Variants in FHIP2A observed in about 807,000 individuals in gnomAD.
FHIP2A encodes the protein family with sequence similarity 160 member B1.
In FHIP2A, 46 loss-of-function variants were observed where a neutral mutation model predicts 93.5. That is an observed-to-expected ratio of 0.49 (90% CI 0.39 to 0.63). The LOEUF (loss-of-function observed/expected upper bound fraction) is 0.63. Among genes scored for constraint, FHIP2A ranks in the 20% least tolerant of loss-of-function variants. The pLI, the probability that FHIP2A is intolerant of heterozygous loss-of-function variation, is 0.00. For synonymous variants in FHIP2A, 332 were observed against 326.5 expected, an observed-to-expected ratio of 1.02 and a Z score of -0.18; for missense variants, 769 against 909.7, an observed-to-expected ratio of 0.85 and a Z score of 1.99.
intron 6 of FHIP2A, 80 bp from the exon 7 acceptor site, chr10:114,843,661 A>T (rs1320491948): frequency 9.1e-7 from 1 of 1,100,002 alleles, no homozygotes; most frequent in African/African-American, 1.6e-5. Context: ...GAAACATTAA[A>T]TCCTTTTATG....
intron 13 of FHIP2A, among the ~76,000 whole-genome samples, chr10:114,853,009 T>A (rs2083745729): frequency 6.6e-6 from 1 of 152,204 alleles, no homozygotes. Flanking sequence ...ACCCTCTTCC[T>A]CCTCTCCCTT....
At position 114,821,972 on chromosome 10, in the gene FHIP2A, C is replaced by A; in HGVS notation, c.-107C>A. The A allele has an allele frequency of 6.7e-6, 4 of 598,838 alleles. No individual in the cohort carries two copies. Among genetic ancestry groups the A allele is most frequent in the Non-Finnish European group, 9.7e-6 (4 of 413,788 alleles). The allele number at this position is 598,838 out of a possible 1,614,324, so 37.1% of individuals were successfully genotyped here. The stretch of plus-strand genomic sequence containing the variant: ...TCAGCTCGTCCTCCCCGCCCCGCAC[C>A]GGCCTTCACTCTGGAGCGGCCCCGG... On this transcript the variant is annotated 5_prime_UTR_variant, in exon 1 of 17. Transcript: ENST00000369248.
chr10:114,852,463 A>G (rs953242806), intron 13 of FHIP2A, among the ~76,000 whole-genome samples: 7 of 152,254 alleles, frequency 4.6e-5, no homozygotes, highest in Non-Finnish European at 8.8e-5. Context: ...CTGGTCATTC[A>G]AGGTTTGTAT....
At chr10:114,896,966 A>G (rs1313198216) in intron 16 of FHIP2A, among the ~76,000 whole-genome samples, 3 of 152,254 alleles carry the variant, frequency 2.0e-5, no homozygotes, top group Admixed American at 2.0e-4. Context: ...AATTAGGAAT[A>G]TAGTAACTTC....
chr10:114,871,897 T>G (rs893078229), intron 16 of FHIP2A, among the ~76,000 whole-genome samples: 1 of 152,192 alleles, frequency 6.6e-6, no homozygotes, highest in Non-Finnish European at 1.5e-5. Flanking sequence ...CTCAGCTCAC[T>G]GAATGTAGGC....
chr10:114,833,537 A>G (rs2083620230), intron 3 of FHIP2A, 135 bp downstream of exon 3: 1 of 850,940 alleles, frequency 1.2e-6, no homozygotes, highest in South Asian at 1.6e-5. Context: ...ATTGTAGAAA[A>G]AAGAAAATTG....
intron 13 of FHIP2A, 51 bp downstream of exon 13, chr10:114,848,788 C>T: frequency 8.5e-7 from 1 of 1,170,716 alleles, no homozygotes; most frequent in Non-Finnish European, 1.3e-6. Context: ...TAGACACATG[C>T]ACACCCCTTG....
At chr10:114,857,029 T>C (rs1390223451) in intron 14 of FHIP2A, among the ~76,000 whole-genome samples, 1 of 152,094 alleles carries the variant, frequency 6.6e-6, no homozygotes, top group Non-Finnish European at 1.5e-5. Flanking sequence ...AGTTCAAGGC[T>C]GTAGGGCGCT....
rs530829227 is a variant in FHIP2A, at chr10:114,878,744, C to T, written c.2192+17410C>T. Among the ~76,000 whole-genome samples the T allele has an allele frequency of 1.8e-4, 26 of 148,128 alleles. No individual in the cohort carries two copies. In the South Asian group the frequency reaches 5.2e-3, roughly 29 times the overall value. ...GCAGTGAGCTGAGATTGTGCCACTGCACTCCAGCCTGGGTGACAGAGACTT... is the reference window on the plus strand; with the variant it reads ...GCAGTGAGCTGAGATTGTGCCACTGTACTCCAGCCTGGGTGACAGAGACTT... On this transcript the variant is annotated intron_variant, in intron 16 of 16. Coordinates refer to the FHIP2A transcript ENST00000369250.
chr10:114,824,406 C>G (rs913728482), intron 1 of FHIP2A, among the ~76,000 whole-genome samples: 15 of 152,160 alleles, frequency 9.9e-5, no homozygotes, highest in African/African-American at 3.4e-4. Flanking sequence ...GCCTACTTTG[C>G]TGAGGTTAGT....
intron 16 of FHIP2A, among the ~76,000 whole-genome samples, chr10:114,896,520 C>T (rs1048576099): frequency 6.6e-6 from 1 of 152,208 alleles, no homozygotes; most frequent in Admixed American, 6.5e-5. Flanking sequence ...TATTCAAAGT[C>T]ATCCCTCTGC....
At chr10:114,896,003 A>G (rs1438830508) in intron 16 of FHIP2A, among the ~76,000 whole-genome samples, 1 of 152,150 alleles carries the variant, frequency 6.6e-6, no homozygotes, top group African/African-American at 2.4e-5. Context: ...TTCCTGAGAG[A>G]TGCAACTGCC....
At position 114,846,474 on chromosome 10, in the gene FHIP2A, A is replaced by G. The variant is rs558616543; in HGVS notation, c.1399-85A>G. The G allele has an allele frequency of 1.3e-5, 19 of 1,438,086 alleles. 1 individual carries two copies. The South Asian group carries it at 1.9e-4, about 14-fold the overall frequency. The allele number at this position is 1,438,086 out of a possible 1,614,324, so 89.1% of individuals were successfully genotyped here. On this transcript the variant is annotated intron_variant, in intron 10 of 16. Coordinates refer to ENST00000369248, the MANE Select transcript of FHIP2A (RefSeq NM_020940.4). ...ACAACCTCTTTTATTGGCTTTAGAA[A>G]TTGAAAGCATGACTCACAAGATGGT... is the stretch of plus-strand genomic sequence containing the variant.
intron 1 of FHIP2A, 77 bp from the exon 2 acceptor site, chr10:114,830,775 A>G: frequency 1.1e-6 from 1 of 901,944 alleles, no homozygotes; most frequent in South Asian, 1.8e-5. Flanking sequence ...GCATTGTAAT[A>G]GATAAATACA....
At chr10:114,864,992 AT>A (rs142952175), downstream of FHIP2A, among the ~76,000 whole-genome samples, 52 of 148,246 alleles carry the variant, frequency 3.5e-4, no homozygotes, top group Admixed American at 4.1e-4. Flanking sequence ...CTCAAAAACA[AT>A]TTTTTTTTTT....
chr10:114,854,137 GT>G (rs758227621), intron 13 of FHIP2A, among the ~76,000 whole-genome samples: 336 of 137,928 alleles, frequency 2.4e-3, no homozygotes, highest in Middle Eastern at 3.9e-3. Context: ...AAAGACCAGG[GT>G]TTTTTTTTTT....
chr10:114,877,130 A>C (rs542958575), intron 16 of FHIP2A, among the ~76,000 whole-genome samples: 42 of 152,258 alleles, frequency 2.8e-4, no homozygotes, highest in African/African-American at 9.1e-4. Flanking sequence ...AACTCAAGGG[A>C]GCTTTCACAG....
At chr10:114,839,881 C>CA (rs10612399) in intron 5 of FHIP2A, among the ~76,000 whole-genome samples, 3,486 of 95,290 alleles carry the variant, frequency 0.037, 153 homozygotes, top group African/African-American at 0.11. Flanking sequence ...GACTCTGTCT[C>CA]AAAAAAAAAA....
chr10:114,871,019 CATATAT>C (rs35061998), intron 16 of FHIP2A, among the ~76,000 whole-genome samples: 1 of 149,086 alleles, frequency 6.7e-6, no homozygotes, highest in Admixed American at 6.7e-5. Flanking sequence ...TTAGCCTCCA[CATATAT>C]ATATATATAC....
Sources: allele counts gnomAD v4.1 joint callset (sites outside exome capture counted in the v4.1 genomes callset), GRCh38; gene constraint gnomAD v4.1.1; transcripts MANE v1.5; gene names NCBI Gene and HGNC (gene_info 2026-07-23, HGNC 2026-07-21).